The following BLTP3B variants were observed in gnomAD, a reference collection of about 807,000 sequenced individuals.
BLTP3B encodes UHRF1 (ICBP90) binding protein 1-like.
the BLTP3B span, chr12:100,058,425 G>A: frequency 1.2e-6 from 2 of 1,612,986 alleles, no homozygotes; most frequent in South Asian, 2.2e-5. Flanking sequence ...ATCACTAGCT[G>A]ATTTAAAAAG....
chr12:100,123,944 T>A, the BLTP3B span, among the ~76,000 whole-genome samples: 8 of 152,098 alleles, frequency 5.3e-5, no homozygotes, highest in Non-Finnish European at 1.2e-4. Context: ...CCACACAGTG[T>A]TTTTAAAAAT....
At chr12:100,111,783 T>C in the BLTP3B span, among the ~76,000 whole-genome samples, 1 of 152,024 alleles carries the variant, frequency 6.6e-6, no homozygotes, top group Non-Finnish European at 1.5e-5. Flanking sequence ...TTTTTGTATT[T>C]TTAGTAGAGA....
At chr12:100,068,877 T>C in the BLTP3B span, among the ~76,000 whole-genome samples, 2 of 152,148 alleles carry the variant, frequency 1.3e-5, no homozygotes, top group East Asian at 3.9e-4. Context: ...AGAGAATACT[T>C]CCACACCGCT....
chr12:100,119,057 G>A, the BLTP3B span, among the ~76,000 whole-genome samples: 1,156 of 152,098 alleles, frequency 7.6e-3, 8 homozygotes, highest in African/African-American at 0.026. Context: ...AGCCGAGATC[G>A]CGCCACTGCA....
chr12:100,066,003 CCT>C, the BLTP3B span, among the ~76,000 whole-genome samples: 9 of 152,098 alleles, frequency 5.9e-5, no homozygotes, highest in African/African-American at 2.2e-4. Flanking sequence ...CTGTAAAATT[CCT>C]CTCTTTGTAC....
At chr12:100,125,856 T>G in the BLTP3B span, among the ~76,000 whole-genome samples, 1 of 152,254 alleles carries the variant, frequency 6.6e-6, no homozygotes, top group Non-Finnish European at 1.5e-5. Context: ...AATAAATCAT[T>G]GCAATATGTT....
At chr12:100,127,544 T>C in the BLTP3B span, among the ~76,000 whole-genome samples, 102 of 152,344 alleles carry the variant, frequency 6.7e-4, 1 homozygote, top group African/African-American at 2.4e-3. Context: ...TCCCAAGAAT[T>C]AGAAGTATTC....
the BLTP3B span, among the ~76,000 whole-genome samples, chr12:100,116,775 A>G: frequency 6.6e-6 from 1 of 152,226 alleles, no homozygotes; most frequent in African/African-American, 2.4e-5. Flanking sequence ...TATAAAAGGC[A>G]TCTGGTTTTG....
At chr12:100,055,008 T>C in the BLTP3B span, among the ~76,000 whole-genome samples, 2 of 152,318 alleles carry the variant, frequency 1.3e-5, no homozygotes, top group African/African-American at 2.4e-5. Flanking sequence ...GGTGGTTTAA[T>C]AAATGTTTGC....
the BLTP3B span, among the ~76,000 whole-genome samples, chr12:100,080,349 C>CT: frequency 2.0e-3 from 289 of 141,174 alleles, 1 homozygote; most frequent in Middle Eastern, 0.011. Flanking sequence ...GAACCCATCT[C>CT]TTTTTTTTTT....
At chr12:100,075,960 A>G in the BLTP3B span, among the ~76,000 whole-genome samples, 2 of 152,068 alleles carry the variant, frequency 1.3e-5, no homozygotes, top group Admixed American at 1.3e-4. Context: ...CAAAAGGAGG[A>G]TGGGAGGAAG....
the BLTP3B span, chr12:100,098,300 C>T: frequency 6.6e-7 from 1 of 1,514,084 alleles, no homozygotes; most frequent in Non-Finnish European, 8.8e-7. Context: ...TAATCGTCCT[C>T]TTTTACTTGT....
chr12:100,117,126 C>CA, the BLTP3B span, among the ~76,000 whole-genome samples: 1 of 151,960 alleles, frequency 6.6e-6, no homozygotes, highest in East Asian at 1.9e-4. Flanking sequence ...AGAAAAGTTC[C>CA]AAAAAAATTA....
At chr12:100,058,291 T>C in the BLTP3B span, 1 of 1,613,916 alleles carries the variant, frequency 6.2e-7, no homozygotes, top group Non-Finnish European at 8.5e-7. Context: ...TTGTCACTTG[T>C]TTCTGATCCA....
At chr12:100,051,434 G>T in the BLTP3B span, 3 of 410,186 alleles carry the variant, frequency 7.3e-6, no homozygotes, top group Admixed American at 4.4e-5. Context: ...TGTGGTAAAA[G>T]ACAATTTTTT....
At chr12:100,066,438 A>T in the BLTP3B span, among the ~76,000 whole-genome samples, 5 of 152,252 alleles carry the variant, frequency 3.3e-5, 1 homozygote, top group Admixed American at 3.3e-4. Flanking sequence ...GGATTTCAAT[A>T]CTCAACTGAC....
the BLTP3B span, among the ~76,000 whole-genome samples, chr12:100,088,202 A>C: frequency 6.6e-6 from 1 of 152,180 alleles, no homozygotes; most frequent in Non-Finnish European, 1.5e-5. Flanking sequence ...TATTGTTTAA[A>C]GGTCTTCAGC....
At chr12:100,132,007 G>T in the BLTP3B span, among the ~76,000 whole-genome samples, 1 of 152,280 alleles carries the variant, frequency 6.6e-6, no homozygotes, top group South Asian at 2.1e-4. Flanking sequence ...GGCCAGGCTG[G>T]TCTCGAACTC....
the BLTP3B span, among the ~76,000 whole-genome samples, chr12:100,103,197 A>G: frequency 6.6e-6 from 1 of 152,200 alleles, no homozygotes; most frequent in Admixed American, 6.5e-5. Context: ...ATGAAATTAT[A>G]TATTAATAAG....
Sources: allele counts gnomAD v4.1 joint callset (sites outside exome capture counted in the v4.1 genomes callset), GRCh38; gene constraint gnomAD v4.1.1; transcripts MANE v1.5; gene names NCBI Gene and HGNC (gene_info 2026-07-23, HGNC 2026-07-21).